The following DNAH3 variants were observed in gnomAD, a reference collection of about 807,000 sequenced individuals.
DNAH3 encodes axonemal beta dynein heavy chain 3.
Under a neutral mutation model 432.5 loss-of-function variants are expected in DNAH3, and 332 were observed. The observed-to-expected ratio is 0.77, with a 90% CI of 0.70 to 0.84. The LOEUF is 0.84. Among genes scored for constraint, DNAH3 ranks in the 40% least tolerant of loss-of-function variants. The pLI is 0.00. For missense variants in DNAH3, 4,861 were observed against 5,114.0 expected, an observed-to-expected ratio of 0.95 and a Z score of 1.51; for synonymous variants, 1,956 against 1,900.2, an observed-to-expected ratio of 1.03 and a Z score of -0.76.
intron 59 of DNAH3, among the ~76,000 whole-genome samples, chr16:20,939,593 CAA>C (rs1596865810): frequency 7.5e-6 from 1 of 134,192 alleles, no homozygotes; most frequent in East Asian, 2.2e-4. Context: ...GTCTGGGTGA[CAA>C]GAGTGAGACT....
intron 44 of DNAH3, among the ~76,000 whole-genome samples, chr16:20,994,813 CTT>C (rs1241398054): frequency 2.6e-5 from 4 of 152,104 alleles, no homozygotes; most frequent in Admixed American, 1.3e-4. Flanking sequence ...ACAATAACAT[CTT>C]TAAGTTTCAT....
In DNAH3 at chr16:20,985,420, T is replaced by G. The variant is rs1442774821; in HGVS notation, c.7322A>C (p.Gln2441Pro). 7 of 1,614,076 alleles carry G rather than the reference T, an allele frequency of 4.3e-6. No individual in the cohort carries two copies. Among genetic ancestry groups the G allele is most frequent in the Non-Finnish European group, 5.1e-6 (6 of 1,180,030 alleles). Reference sequence around the variant, plus strand: ...GAATGTGGACAGTTTGGCGGCACTTTGCCGCCCGCTGCCCCCTATGCCCAC... The same window carrying G: ...GAATGTGGACAGTTTGGCGGCACTTGGCCGCCCGCTGCCCCCTATGCCCAC... The change falls in exon 48 of 62, where the codon CAA (glutamine) becomes CCA (proline). Residue 2441 changes from glutamine to proline, a missense_variant. Coordinates refer to ENST00000261383, the Ensembl canonical transcript of DNAH3.
At chr16:21,142,064 A>C (rs138192680) in intron 3 of DNAH3, among the ~76,000 whole-genome samples, 2,336 of 150,548 alleles carry the variant, frequency 0.016, 57 homozygotes, top group African/African-American at 0.052. Flanking sequence ...AAAATAAATA[A>C]ATAAAATAAA....
At chr16:21,138,672 T>C (rs1284499744) in intron 5 of DNAH3, among the ~76,000 whole-genome samples, 1 of 152,090 alleles carries the variant, frequency 6.6e-6, no homozygotes, top group Non-Finnish European at 1.5e-5. Flanking sequence ...TAGCTGGGCA[T>C]GGTGGCAGTT....
intron 46 of DNAH3, 52 bp downstream of exon 46, chr16:20,987,641 T>C (rs2086263309): frequency 1.1e-5 from 18 of 1,601,386 alleles, no homozygotes; most frequent in East Asian, 2.2e-5. Context: ...ACATGTTCTA[T>C]GTAGCCAAGG....
At chr16:21,000,428 C>A in exon 43 of DNAH3, 1 of 1,614,054 alleles carries the variant, frequency 6.2e-7, no homozygotes, top group Admixed American at 1.7e-5. Context: ...GTGGGACCCA[C>A]GAACAGCATT....
intron 36 of DNAH3, 111 bp downstream of exon 36, chr16:21,033,863 G>A (rs2089020623): frequency 3.0e-6 from 2 of 666,520 alleles, no homozygotes; most frequent in Non-Finnish European, 5.2e-6. Flanking sequence ...TTCTAGCTCT[G>A]ACGTCACGAT....
At chr16:20,965,836 C>G (rs567363457) in intron 52 of DNAH3, among the ~76,000 whole-genome samples, 1 of 151,970 alleles carries the variant, frequency 6.6e-6, no homozygotes, top group South Asian at 2.1e-4. Flanking sequence ...CCTCAGCCTC[C>G]CAAGGAGCTG....
At chr16:21,065,639 A>G (rs1162734330) in intron 24 of DNAH3, among the ~76,000 whole-genome samples, 3 of 152,158 alleles carry the variant, frequency 2.0e-5, no homozygotes, top group African/African-American at 7.2e-5. Flanking sequence ...TTTACATTAA[A>G]AAGTAATATT....
intron 44 of DNAH3, among the ~76,000 whole-genome samples, chr16:20,989,789 G>A (rs1027818628): frequency 2.0e-5 from 3 of 152,268 alleles, no homozygotes; most frequent in African/African-American, 7.2e-5. Context: ...CCTGCCCCGC[G>A]GCAAGGCAGC....
chr16:21,136,841 AGAG>A (rs1332467219), intron 5 of DNAH3, among the ~76,000 whole-genome samples: 1 of 152,134 alleles, frequency 6.6e-6, no homozygotes, highest in Non-Finnish European at 1.5e-5. Context: ...ACCTTTAAGA[AGAG>A]GAATAACAGG....
chr16:21,003,571 G>A (rs777168264), intron 41 of DNAH3, among the ~76,000 whole-genome samples: 2 of 152,046 alleles, frequency 1.3e-5, no homozygotes, highest in South Asian at 2.1e-4. Flanking sequence ...TCAGGGGTTC[G>A]AGACCAGCCT....
At chr16:21,103,539 T>C (rs1159452588) in intron 16 of DNAH3, among the ~76,000 whole-genome samples, 3 of 151,908 alleles carry the variant, frequency 2.0e-5, no homozygotes, top group Admixed American at 6.6e-5. Flanking sequence ...GGCAGGAAAA[T>C]ACACACACAC....
At chr16:21,121,917 C>T in intron 10 of DNAH3, 28 bp downstream of exon 11, 2 of 1,558,694 alleles carry the variant, frequency 1.3e-6, no homozygotes, top group Non-Finnish European at 1.7e-6. Context: ...AAAAATCATG[C>T]AAATGAATGA....
intron 44 of DNAH3, chr16:20,997,008 G>A (rs554377724): frequency 2.9e-6 from 1 of 347,396 alleles, no homozygotes; most frequent in Non-Finnish European, 5.3e-6. Context: ...CTCCCTCCCG[G>A]AACACATGCT....
intron 6 of DNAH3, among the ~76,000 whole-genome samples, chr16:21,135,874 TAAA>T (rs200043852): frequency 7.8e-5 from 10 of 128,640 alleles, no homozygotes; most frequent in Non-Finnish European, 5.0e-5. Flanking sequence ...ACCTTGTCGC[TAAA>T]AAAAAAAAAA....
intron 9 of DNAH3, among the ~76,000 whole-genome samples, chr16:21,123,996 C>G (rs551071466): frequency 6.6e-6 from 1 of 151,506 alleles, no homozygotes; most frequent in South Asian, 2.1e-4. Flanking sequence ...TTTCACCAGT[C>G]GACCAGGCTG....
chr16:21,107,937 A>C (rs1388605886), intron 14 of DNAH3, among the ~76,000 whole-genome samples: 1 of 151,252 alleles, frequency 6.6e-6, no homozygotes, highest in African/African-American at 2.4e-5. Flanking sequence ...ATCTCAGCTT[A>C]CGGCAACCTC....
In DNAH3 at chr16:21,036,666, T is replaced by G. The variant is rs1441596852; in HGVS notation, c.5085+48A>C. On this transcript the variant is annotated intron_variant, in intron 35 of 61. Coordinates refer to ENST00000261383, the Ensembl canonical transcript of DNAH3. ...CTATAAGACTTTACTGTTTGCTGAC[T>G]TCAGCAAACAGTAAAACAGGCACAT... The G allele has an allele frequency of 1.1e-5, 18 of 1,568,466 alleles. No homozygotes were observed. In the South Asian group the frequency reaches 1.4e-4, roughly 12 times the overall value.
Sources: gnomAD v4.1 joint callset for allele counts (sites outside exome capture counted in the v4.1 genomes callset) on GRCh38, gnomAD v4.1.1 for gene constraint, MANE v1.5 for transcripts, NCBI Gene and HGNC (gene_info 2026-07-23, HGNC 2026-07-21) for gene names.